The following TMEM87B variants were observed in gnomAD, a reference collection of about 807,000 sequenced individuals.
TMEM87B encodes the protein transmembrane protein 87B.
TMEM87B carries 83 observed loss-of-function variants against 80.3 expected under a neutral mutation model. The observed-to-expected ratio is 1.03, with a 90% confidence interval of 0.87 to 1.24. The LOEUF is 1.24. Among genes scored for constraint, TMEM87B ranks in the 50% most tolerant of loss-of-function variants. The pLI is 0.00. For missense variants in TMEM87B, 625 were observed against 674.4 expected (o/e 0.93, Z 0.81); for synonymous variants, 219 against 230.5 (o/e 0.95, Z 0.45).
In TMEM87B at chr2:112,078,096, G is replaced by A. The variant is rs142779239; in HGVS notation, c.592+814G>A. Among the ~76,000 whole-genome samples, 577 of 152,302 alleles carry A rather than the reference G, an allele frequency of 3.8e-3. 12 individuals carry two copies. The highest frequency in any genetic ancestry group is 0.034 in the Middle Eastern group (10 of 294). On this transcript the variant is annotated intron_variant, in intron 6 of 18. Coordinates refer to ENST00000283206, the MANE Select transcript of TMEM87B (RefSeq NM_032824.3). ...AGCTGGCAAGGTGGCTGCTCTGGAA[G>A]AGTGTGAGGTAAGGCTTCCTTCTGG... is the stretch of plus-strand genomic sequence containing the variant.
intron 2 of TMEM87B, among the ~76,000 whole-genome samples, chr2:112,060,303 C>T (rs761479641): frequency 2.6e-5 from 4 of 151,428 alleles, no homozygotes; most frequent in East Asian, 2.0e-4. Flanking sequence ...GAGCCGAGAT[C>T]GCGCCACTGC....
At chr2:112,106,131 A>AG in intron 16 of TMEM87B, 56 bp downstream of exon 16, 1 of 1,129,004 alleles carries the variant, frequency 8.9e-7, no homozygotes, top group Non-Finnish European at 1.2e-6. Context: ...TCACTACTTT[A>AG]GAGAGCTATA....
chr2:112,116,306 T>C lies in TMEM87B; in HGVS notation c.*163T>C. The C allele has an allele frequency of 1.7e-6, 1 of 582,700 alleles. No homozygotes were observed. The highest frequency in any genetic ancestry group is 2.9e-5 in the East Asian group (1 of 34,514). 36.1% of individuals were successfully genotyped at this position (582,700 alleles called of 1,614,324 possible). A position where few individuals can be genotyped will look rare whatever the true frequency, so the allele number is the denominator to read the frequency against. ...GATGGTAGGAGGTTCTATAGTCCTT[T>C]TAAAGCTGACTCTTGAGTGTCAGTT... On this transcript the variant is annotated 3_prime_UTR_variant, in exon 19 of 19. Transcript: ENST00000283206.
In TMEM87B at chr2:112,055,774, A is replaced by T; in HGVS notation, c.165+18A>T. Reference sequence around the variant, plus strand: ...TCAACGACGTAAGTGGAGTGTCGGGACCCAGGCGTGGCACGTCTCGGGCCG... The same window carrying T: ...TCAACGACGTAAGTGGAGTGTCGGGTCCCAGGCGTGGCACGTCTCGGGCCG... On this transcript the variant is annotated intron_variant, in intron 1 of 18. Coordinates refer to ENST00000283206, the MANE Select transcript of TMEM87B (RefSeq NM_032824.3). 2 of 1,456,244 alleles carry T rather than the reference A, an allele frequency of 1.4e-6. No individual in the cohort carries two copies. Among genetic ancestry groups the T allele is most frequent in the Non-Finnish European group, 1.8e-6 (2 of 1,104,766 alleles). 90.2% of individuals were successfully genotyped at this position (1,456,244 alleles called of 1,614,324 possible).
chr2:112,061,133 C>G (rs190137115), intron 2 of TMEM87B, among the ~76,000 whole-genome samples: 1 of 152,264 alleles, frequency 6.6e-6, no homozygotes, highest in Admixed American at 6.5e-5. Context: ...TTAAAATATT[C>G]ATTAGGTAGG....
chr2:112,081,030 T>C (rs202113793), intron 6 of TMEM87B, 27 bp from the exon 7 acceptor site: 1 of 1,593,820 alleles, frequency 6.3e-7, no homozygotes, highest in Non-Finnish European at 8.6e-7. Flanking sequence ...TGACTGTTAA[T>C]TAACTCTCTC....
chr2:112,067,733 C>T (rs116310731), intron 4 of TMEM87B, among the ~76,000 whole-genome samples: 3 of 152,344 alleles, frequency 2.0e-5, no homozygotes, highest in Non-Finnish European at 2.9e-5. Context: ...TGCAGTCAGA[C>T]CTTTGCATCC....
chr2:112,057,782 G>A (rs1252250055), intron 1 of TMEM87B, among the ~76,000 whole-genome samples: 31 of 151,868 alleles, frequency 2.0e-4, no homozygotes, highest in Admixed American at 1.5e-3. Context: ...GGAGCACCAA[G>A]GGGGTCACCT....
chr2:112,105,854 A>G (rs1180988625), intron 15 of TMEM87B, 148 bp from the exon 16 acceptor site: 9 of 500,238 alleles, frequency 1.8e-5, no homozygotes, highest in Non-Finnish European at 2.6e-5. Flanking sequence ...ACATTCCCAA[A>G]TGGTAAATCC....
chr2:112,079,137 A>G (rs1198066119), intron 6 of TMEM87B, among the ~76,000 whole-genome samples: 3 of 152,182 alleles, frequency 2.0e-5, no homozygotes, highest in Non-Finnish European at 4.4e-5. Flanking sequence ...TTTGAAATGT[A>G]CTCTCTCAGC....
chr2:112,072,757 G>C (rs1171100510), intron 4 of TMEM87B, among the ~76,000 whole-genome samples: 1 of 151,506 alleles, frequency 6.6e-6, no homozygotes, highest in Admixed American at 6.6e-5. Flanking sequence ...TTCATGTCTC[G>C]GTCCCCTTTA....
At chr2:112,093,151 G>A (rs1237477578) in intron 11 of TMEM87B, among the ~76,000 whole-genome samples, 3 of 152,136 alleles carry the variant, frequency 2.0e-5, no homozygotes, top group Non-Finnish European at 4.4e-5. Flanking sequence ...CATTTTTCAG[G>A]TGTGCTGGCA....
At chr2:112,064,568 T>C (rs993384580) in intron 3 of TMEM87B, among the ~76,000 whole-genome samples, 1 of 152,186 alleles carries the variant, frequency 6.6e-6, no homozygotes, top group Non-Finnish European at 1.5e-5. Context: ...TTTAAAAAAA[T>C]TATAGGGAAA....
In TMEM87B at chr2:112,094,579, G is replaced by T. The variant is rs533056014; in HGVS notation, c.1105-2465G>T. ...ATGGCTCTAATCCATCTGGATTTGA[G>T]TGGGGGTAATTTATTACCTTTATGA... On this transcript the variant is annotated intron_variant, in intron 11 of 18. Transcript: ENST00000283206. Among the ~76,000 whole-genome samples, 32 of 152,298 alleles carry T rather than the reference G, an allele frequency of 2.1e-4. No individual in the cohort carries two copies. In the East Asian group the frequency reaches 5.8e-3, roughly 28 times the overall value.
Position 112,055,499 on chromosome 2 carries a change from T to G in TMEM87B, c.-93T>G. The G allele has an allele frequency of 7.4e-7, 1 of 1,345,770 alleles. No individual in the cohort carries two copies. Among genetic ancestry groups the G allele is most frequent in the Admixed American group, 3.5e-5 (1 of 28,860 alleles). 83.4% of individuals were successfully genotyped at this position (1,345,770 alleles called of 1,614,324 possible). On this transcript the variant is annotated 5_prime_UTR_variant, in exon 1 of 19. Transcript: ENST00000283206. The stretch of plus-strand genomic sequence containing the variant: ...TCCACACCCGAGTCCGAGCCCCGCG[T>G]CCCGGATTCGGACCCGCCTGCCTGG...
intron 15 of TMEM87B, 121 bp downstream of exon 15, chr2:112,100,816 T>G (rs1679609969): frequency 5.3e-6 from 3 of 565,252 alleles, no homozygotes; most frequent in Non-Finnish European, 8.8e-6. Context: ...TTAAAAACTT[T>G]TATCTTCAGA....
chr2:112,063,026 A>G (rs1381196253), intron 2 of TMEM87B, among the ~76,000 whole-genome samples: 1 of 152,134 alleles, frequency 6.6e-6, no homozygotes, highest in Non-Finnish European at 1.5e-5. Flanking sequence ...CAGAAAATCT[A>G]CCAGCCTCAG....
At chr2:112,060,915 T>C (rs1678239644) in intron 2 of TMEM87B, among the ~76,000 whole-genome samples, 1 of 152,208 alleles carries the variant, frequency 6.6e-6, no homozygotes. Context: ...TAAAGTCTAA[T>C]AGACGAACAA....
intron 15 of TMEM87B, 108 bp downstream of exon 15, chr2:112,100,803 A>T: frequency 1.6e-6 from 1 of 613,048 alleles, no homozygotes; most frequent in African/African-American, 1.9e-5. Context: ...TCTATAAAAT[A>T]TTTTAAAAAC....
Sources: allele counts gnomAD v4.1 joint callset (sites outside exome capture counted in the v4.1 genomes callset), GRCh38; gene constraint gnomAD v4.1.1; transcripts MANE v1.5; gene names NCBI Gene and HGNC (gene_info 2026-07-23, HGNC 2026-07-21).